FABP7: variants seen among roughly 807,000 people sequenced by gnomAD.
FABP7 encodes the protein fatty acid-binding protein, brain.
A neutral mutation model predicts 14.2 loss-of-function variants in FABP7; 13 were observed. The observed-to-expected ratio is 0.91, with a 90% CI of 0.59 to 1.45. The LOEUF is 1.45. Among genes scored for constraint, FABP7 ranks in the 40% most tolerant of loss-of-function variants. FABP7 has a pLI of 0.00. For synonymous variants in FABP7, 49 were observed against 51.4 expected (o/e 0.95, Z 0.20); for missense variants, 149 against 157.6 (o/e 0.95, Z 0.29).
chr6:122,783,936 T>A lies in FABP7; in HGVS notation c.*169T>A. 2.1e-6 allele frequency: 1 copy of A among 480,490 alleles called. No individual in the cohort carries two copies. The highest frequency in any genetic ancestry group is 3.6e-6 in the Non-Finnish European group (1 of 275,696). The allele number at this position is 480,490 out of a possible 1,614,324, so 29.8% of individuals were successfully genotyped here. A position where few individuals can be genotyped will look rare whatever the true frequency, so the allele number is the denominator to read the frequency against. The stretch of plus-strand genomic sequence containing the variant: ...TTACTCCAAGCAACTTGCCCAATTT[T>A]AATCTGAAAATTTATCATGTTTTAT... On this transcript the variant is annotated 3_prime_UTR_variant, in exon 4 of 4. Coordinates refer to ENST00000368444, the MANE Select transcript of FABP7 (RefSeq NM_001446.5).
the FABP7 span, among the ~76,000 whole-genome samples, chr6:122,757,806 G>C: frequency 2.6e-5 from 4 of 152,106 alleles, no homozygotes; most frequent in Non-Finnish European, 5.9e-5. Context: ...GCGTTCCAAG[G>C]AGTCTGTTAA....
At chr6:122,782,798 G>T (rs1356261020) in intron 3 of FABP7, 53 of 937,966 alleles carry the variant, frequency 5.7e-5, no homozygotes, top group Admixed American at 8.5e-5. Flanking sequence ...TGTGGAGATG[G>T]AGGTGGGGAG....
At chr6:122,751,842 C>T in the FABP7 span, among the ~76,000 whole-genome samples, 1 of 152,118 alleles carries the variant, frequency 6.6e-6, no homozygotes, top group Non-Finnish European at 1.5e-5. Context: ...CTTGCTAGCT[C>T]CCAGGCTCTC....
At chr6:122,750,001 T>G in the FABP7 span, among the ~76,000 whole-genome samples, 1 of 152,222 alleles carries the variant, frequency 6.6e-6, no homozygotes, top group South Asian at 2.1e-4. Flanking sequence ...ACATGAATTG[T>G]GATACCAGCT....
At chr6:122,756,141 A>C in the FABP7 span, among the ~76,000 whole-genome samples, 3 of 152,158 alleles carry the variant, frequency 2.0e-5, no homozygotes, top group Admixed American at 6.5e-5. Context: ...TGGAGACATG[A>C]GTAAACAAGC....
the FABP7 span, among the ~76,000 whole-genome samples, chr6:122,757,076 TC>T: frequency 6.6e-6 from 1 of 152,186 alleles, no homozygotes; most frequent in Non-Finnish European, 1.5e-5. Flanking sequence ...ATCAATCATA[TC>T]TTCTGGTTTC....
chr6:122,766,224 A>G, the FABP7 span, among the ~76,000 whole-genome samples: 2 of 152,096 alleles, frequency 1.3e-5, no homozygotes, highest in Non-Finnish European at 2.9e-5. Flanking sequence ...TATTGTATGC[A>G]TATTCATTAG....
chr6:122,779,816 A>G lies in FABP7; in HGVS notation c.22A>G (p.Thr8Ala), dbSNP rs1780737033. MVEAFCA[T>A]WKLTNSQNFD... ...AAGGATGGTGGAGGCTTTCTGTGCTACCTGGAAGCTGACCAACAGTCAGAA... is the reference window on the plus strand; with the variant it reads ...AAGGATGGTGGAGGCTTTCTGTGCTGCCTGGAAGCTGACCAACAGTCAGAA... Residue 8 changes from threonine (T) to alanine (A), a missense_variant, in exon 1 of 4, where the codon ACC (threonine) becomes GCC (alanine). Physicochemically the swap from Thr to Ala is moderately conservative, Grantham distance 58. Coordinates refer to ENST00000368444, the MANE Select transcript of FABP7 (RefSeq NM_001446.5). 1 of 1,614,184 alleles carries G rather than the reference A, an allele frequency of 6.2e-7. No individual in the cohort carries two copies. The highest frequency in any genetic ancestry group is 8.5e-7 in the Non-Finnish European group (1 of 1,180,040).
the FABP7 span, among the ~76,000 whole-genome samples, chr6:122,765,157 A>G: frequency 6.6e-6 from 1 of 152,176 alleles, no homozygotes; most frequent in South Asian, 2.1e-4. Flanking sequence ...TGGTATCTCA[A>G]TTCTGCAATG....
chr6:122,754,730 T>A, the FABP7 span, among the ~76,000 whole-genome samples: 1 of 151,234 alleles, frequency 6.6e-6, no homozygotes, highest in Non-Finnish European at 1.5e-5. Flanking sequence ...CTCTTTTCCG[T>A]CCCCACTTGT....
the FABP7 span, among the ~76,000 whole-genome samples, chr6:122,756,039 C>T: frequency 4.6e-5 from 7 of 152,096 alleles, no homozygotes; most frequent in African/African-American, 7.2e-5. Flanking sequence ...TTAACATGGC[C>T]GCCCCTCCTC....
At chr6:122,779,615 C>T, upstream of FABP7, 3 of 619,802 alleles carry the variant, frequency 4.8e-6, no homozygotes, top group South Asian at 3.8e-5. Flanking sequence ...GTGACAGCCT[C>T]TTGGAAAGAG....
At chr6:122,758,082 A>C in the FABP7 span, among the ~76,000 whole-genome samples, 1 of 147,730 alleles carries the variant, frequency 6.8e-6, no homozygotes, top group Non-Finnish European at 1.5e-5. Context: ...AAATTAAGTA[A>C]ATTTGTGAAT....
the FABP7 span, among the ~76,000 whole-genome samples, chr6:122,765,691 A>G: frequency 6.6e-6 from 1 of 151,120 alleles, no homozygotes; most frequent in Non-Finnish European, 1.5e-5. Context: ...TAATTTTTTC[A>G]TTACCTCATT....
Position 122,783,782 on chromosome 6 carries a change from G to A in FABP7, c.*15G>A, listed in dbSNP as rs1374038473. ...AGAAGGCATAAAAATGTTCCTGGTC[G>A]GGGCTTGGAAGAGCTCTTCAGTTTT... On this transcript the variant is annotated 3_prime_UTR_variant, in exon 4 of 4. Transcript: ENST00000368444. The A allele has an allele frequency of 6.2e-6, 10 of 1,601,898 alleles. No homozygotes were observed. Among genetic ancestry groups the A allele is most frequent in the South Asian group, 4.5e-5 (4 of 89,024 alleles).
the FABP7 span, among the ~76,000 whole-genome samples, chr6:122,761,417 G>C: frequency 6.6e-6 from 1 of 152,080 alleles, no homozygotes; most frequent in Admixed American, 6.6e-5. Flanking sequence ...CCTGTGTTTT[G>C]AAACTGGCCA....
chr6:122,760,100 C>CAA, the FABP7 span, among the ~76,000 whole-genome samples: 8 of 141,882 alleles, frequency 5.6e-5, no homozygotes, highest in South Asian at 2.2e-4. Flanking sequence ...GACTCTGATT[C>CAA]AAAAAAAAAA....
chr6:122,771,472 A>ACTT, the FABP7 span, among the ~76,000 whole-genome samples: 5 of 152,314 alleles, frequency 3.3e-5, no homozygotes, highest in South Asian at 8.3e-4. Flanking sequence ...AAGGAATATA[A>ACTT]GAACAAAAAG....
the FABP7 span, among the ~76,000 whole-genome samples, chr6:122,753,706 G>C: frequency 6.6e-6 from 1 of 150,742 alleles, no homozygotes; most frequent in Admixed American, 6.6e-5. Flanking sequence ...GAAAATGAAA[G>C]TACACTCCAC....
Sources: gnomAD v4.1 joint callset for allele counts (sites outside exome capture counted in the v4.1 genomes callset) on GRCh38, gnomAD v4.1.1 for gene constraint, MANE v1.5 for transcripts, NCBI Gene and HGNC (gene_info 2026-07-23, HGNC 2026-07-21) for gene names.